MXRA7: variants seen among roughly 807,000 people sequenced by gnomAD.
MXRA7 encodes matrix remodeling associated 7.
A neutral mutation model predicts 17.4 loss-of-function variants in MXRA7; 18 were observed. The ratio of observed to expected loss-of-function variants is 1.03; its 90% CI spans 0.71 to 1.53. The LOEUF is 1.53. MXRA7 is among the 40% of genes most tolerant of loss of function. The pLI, the probability that MXRA7 is intolerant of heterozygous loss-of-function variation, is 0.00. For synonymous variants in MXRA7, 70 were observed against 101.7 expected (o/e 0.69, Z 1.87); for missense variants, 141 against 209.3 (o/e 0.67, Z 2.01).
chr17:76,701,548 G>A (rs1167885415), intron 1 of MXRA7, among the ~76,000 whole-genome samples: 1 of 152,082 alleles, frequency 6.6e-6, no homozygotes, highest in East Asian at 1.9e-4. Flanking sequence ...CGGCAGGTGT[G>A]TTCTGGAAGG....
At chr17:76,693,388 C>T (rs2076497505) in intron 1 of MXRA7, among the ~76,000 whole-genome samples, 1 of 149,058 alleles carries the variant, frequency 6.7e-6, no homozygotes, top group African/African-American at 2.5e-5. Context: ...TCGTTGGACC[C>T]TGGGAGGCGG....
At chr17:76,709,145 C>T (rs537325928) in intron 1 of MXRA7, among the ~76,000 whole-genome samples, 1 of 152,336 alleles carries the variant, frequency 6.6e-6, no homozygotes, top group Non-Finnish European at 1.5e-5. Flanking sequence ...ACATTTTGCA[C>T]TTCAGTCCAG....
exon 4 of MXRA7, chr17:76,672,844 A>G (rs1468905836): frequency 6.6e-6 from 1 of 152,026 alleles, no homozygotes; most frequent in Non-Finnish European, 1.5e-5. Context: ...ATGGTGGAGA[A>G]TCCGGTGGAA....
intron 1 of MXRA7, among the ~76,000 whole-genome samples, chr17:76,701,689 G>C (rs1269735640): frequency 6.6e-6 from 1 of 152,040 alleles, no homozygotes; most frequent in African/African-American, 2.4e-5. Flanking sequence ...TGGGTGGGGG[G>C]TGTCTGGGGA....
At chr17:76,697,962 A>G (rs1010291351) in intron 1 of MXRA7, among the ~76,000 whole-genome samples, 4 of 152,096 alleles carry the variant, frequency 2.6e-5, no homozygotes, top group Non-Finnish European at 5.9e-5. Context: ...GAACACTAAC[A>G]GAGGGAGAGA....
At chr17:76,705,669 G>C (rs1377096348) in intron 1 of MXRA7, among the ~76,000 whole-genome samples, 1 of 152,164 alleles carries the variant, frequency 6.6e-6, no homozygotes, top group African/African-American at 2.4e-5. Context: ...GATAAGAAGA[G>C]GAAGAGACAT....
intron 1 of MXRA7, among the ~76,000 whole-genome samples, chr17:76,708,392 C>A (rs567584532): frequency 8.5e-5 from 13 of 152,308 alleles, no homozygotes; most frequent in African/African-American, 2.9e-4. Flanking sequence ...TCCTCCCTCG[C>A]TGTTGGTGGG....
chr17:76,701,293 A>C (rs907534828), intron 1 of MXRA7, among the ~76,000 whole-genome samples: 3 of 151,760 alleles, frequency 2.0e-5, no homozygotes, highest in Admixed American at 1.3e-4. Flanking sequence ...GCAGGTCTTC[A>C]GGGCGTGAGG....
intron 1 of MXRA7, among the ~76,000 whole-genome samples, chr17:76,697,228 T>A (rs1180402812): frequency 6.6e-6 from 1 of 151,390 alleles, no homozygotes; most frequent in Non-Finnish European, 1.5e-5. Context: ...CACAGAGACA[T>A]GAGAGTTGTG....
intron 2 of MXRA7, among the ~76,000 whole-genome samples, chr17:76,687,120 A>G (rs2076407987): frequency 6.6e-6 from 1 of 152,232 alleles, no homozygotes; most frequent in East Asian, 1.9e-4. Context: ...TGCCAGGGCC[A>G]TGGCTGCGGT....
chr17:76,677,460 T>C (rs1233690826), downstream of MXRA7: 5 of 645,808 alleles, frequency 7.7e-6, no homozygotes, highest in African/African-American at 5.4e-5. Flanking sequence ...CAAGTACCTA[T>C]AGAATGTACG....
At chr17:76,703,512 C>G (rs565141576) in intron 1 of MXRA7, 1 of 152,004 alleles carries the variant, frequency 6.6e-6, no homozygotes, top group East Asian at 2.0e-4. Context: ...CCCAGCTACT[C>G]GGGCGGCTGA....
rs2076291231 is a variant in MXRA7, at chr17:76,680,719, A to G, written c.*148T>C. 1 of 1,462,278 alleles carries G rather than the reference A, an allele frequency of 6.8e-7. No homozygotes were observed. The highest frequency in any genetic ancestry group is 9.0e-7 in the Non-Finnish European group (1 of 1,107,242). The allele number at this position is 1,462,278 out of a possible 1,614,324, so 90.6% of individuals were successfully genotyped here. On this transcript the variant is annotated 3_prime_UTR_variant, in exon 4 of 4. Coordinates refer to ENST00000449428, the MANE Select transcript of MXRA7 (RefSeq NM_198530.4). ...CCTGCTAGCCAAGGGACAAGTCCTG[A>G]TTGAGGGTCTAGAGCTCAGCAGATT...
At chr17:76,706,415 C>A (rs2076661703) in intron 1 of MXRA7, among the ~76,000 whole-genome samples, 1 of 150,934 alleles carries the variant, frequency 6.6e-6, no homozygotes, top group Admixed American at 6.6e-5. Context: ...CAGAGGCCCA[C>A]ACTGCCATCA....
At chr17:76,680,997 G>C in intron 3 of MXRA7, 118 bp from the exon 4 acceptor site, 1 of 837,672 alleles carries the variant, frequency 1.2e-6, no homozygotes. Context: ...TGCAGAAGCT[G>C]CGCTAGACTC....
chr17:76,702,870 T>TACGTATATATATATATATATATAC (rs1567988745), intron 1 of MXRA7, among the ~76,000 whole-genome samples: 5 of 69,750 alleles, frequency 7.2e-5, no homozygotes, highest in African/African-American at 1.9e-4. Flanking sequence ...TATATATATA[T>TACGTATATATATATATATATATAC]ACGTATATAT....
chr17:76,710,570 G>T, intron 1 of MXRA7, 35 bp downstream of exon 1: 1 of 1,262,966 alleles, frequency 7.9e-7, no homozygotes, highest in East Asian at 3.4e-5. Flanking sequence ...GAGCCCCGGG[G>T]GTGGGGAGGG....
intron 1 of MXRA7, among the ~76,000 whole-genome samples, chr17:76,702,671 G>A (rs572128035): frequency 2.6e-5 from 4 of 151,790 alleles, no homozygotes; most frequent in East Asian, 1.9e-4. Flanking sequence ...CCTGTAACAC[G>A]CGAAACTTCA....
chr17:76,710,873 A>G lies in MXRA7; in HGVS notation c.74T>C (p.Leu25Pro), dbSNP rs2076714911. 1.6e-5 allele frequency: 16 copies of G among 989,542 alleles called. No individual in the cohort carries two copies. Among genetic ancestry groups the G allele is most frequent in the Non-Finnish European group, 1.9e-5 (16 of 834,354 alleles). The allele number at this position is 989,542 out of a possible 1,614,324, so 61.3% of individuals were successfully genotyped here. The change falls in exon 1 of 4, where the codon CTA (leucine) becomes CCA (proline). Residue 25 changes from leucine to proline, a missense_variant. By Grantham distance (98) the Leu-to-Pro change is moderately conservative (BLOSUM62 -3). This residue lies in a region of MXRA7 where 72 missense variants were observed against 111.9 expected (regional missense o/e 0.64). Coordinates refer to ENST00000449428, the MANE Select transcript of MXRA7 (RefSeq NM_198530.4). ...CGCGGCCGCCCCACGCCGCACCAGT[A>G]GCCAGGCGAGCAGAAGGGCCAGCGC... ...ATALALLLAW[L>P]LVRRGAAASP...
Sources: allele counts gnomAD v4.1 joint callset (sites outside exome capture counted in the v4.1 genomes callset), GRCh38; gene constraint gnomAD v4.1.1; regional missense constraint gnomAD v4.1.1; transcripts MANE v1.5; gene names NCBI Gene and HGNC (gene_info 2026-07-23, HGNC 2026-07-21).